The following USH2A variants were observed in gnomAD, a reference collection of about 807,000 sequenced individuals.
USH2A encodes the protein Usher syndrome 2A (autosomal recessive, mild).
A neutral mutation model predicts 538.9 loss-of-function variants in USH2A; 443 were observed. The ratio of observed to expected loss-of-function variants is 0.82; its 90% CI spans 0.76 to 0.89. USH2A has a LOEUF of 0.89. Among genes scored for constraint, USH2A ranks in the 40% least tolerant of loss-of-function variants. USH2A has a pLI of 0.00. For missense variants in USH2A, 6,633 were observed against 6,324.8 expected, an observed-to-expected ratio of 1.05 and a Z score of -1.65; for synonymous variants, 2,413 against 2,273.5, an observed-to-expected ratio of 1.06 and a Z score of -1.75.
intron 23 of USH2A, 80 bp downstream of exon 23, chr1:216,088,933 T>A (rs1346774482): frequency 1.9e-6 from 3 of 1,580,546 alleles, no homozygotes; most frequent in Non-Finnish European, 2.6e-6. Flanking sequence ...GAAATAAGAA[T>A]GTAGGAATAT....
At chr1:215,943,606 A>T (rs1188471751) in intron 37 of USH2A, among the ~76,000 whole-genome samples, 1 of 152,156 alleles carries the variant, frequency 6.6e-6, no homozygotes, top group Non-Finnish European at 1.5e-5. Flanking sequence ...TCATCTGGGG[A>T]CTACAAAGCT....
intron 64 of USH2A, among the ~76,000 whole-genome samples, chr1:215,653,124 T>C (rs931307393): frequency 6.6e-6 from 1 of 152,216 alleles, no homozygotes; most frequent in African/African-American, 2.4e-5. Flanking sequence ...GAATCATAAA[T>C]ACTATTAAGG....
chr1:215,935,345 A>C (rs889766741), intron 37 of USH2A, among the ~76,000 whole-genome samples: 1 of 152,006 alleles, frequency 6.6e-6, no homozygotes, highest in Non-Finnish European at 1.5e-5. Context: ...ATTTCTTTCT[A>C]TCTAATGCCC....
At chr1:215,695,638 C>A (rs1420537706) in intron 61 of USH2A, among the ~76,000 whole-genome samples, 2 of 152,162 alleles carry the variant, frequency 1.3e-5, no homozygotes, top group African/African-American at 4.8e-5. Flanking sequence ...AAGTATAGAA[C>A]CCAAGCCTGT....
chr1:216,243,702 G>C (rs1198085396), intron 13 of USH2A, among the ~76,000 whole-genome samples: 1 of 152,198 alleles, frequency 6.6e-6, no homozygotes, highest in Non-Finnish European at 1.5e-5. Flanking sequence ...CCTTTAGAGA[G>C]TCAGTAAGCT....
At chr1:215,944,650 C>T (rs1319401239) in intron 37 of USH2A, among the ~76,000 whole-genome samples, 1 of 152,046 alleles carries the variant, frequency 6.6e-6, no homozygotes. Flanking sequence ...AGTGGAAATC[C>T]AAGTGCCTGG....
At chr1:216,097,258 T>A in intron 21 of USH2A, 45 bp from the exon 22 acceptor site, 1 of 1,613,520 alleles carries the variant, frequency 6.2e-7, no homozygotes, top group Non-Finnish European at 8.5e-7. Flanking sequence ...GGGGTTTTGT[T>A]GATTCTTTCT....
intron 11 of USH2A, 127 bp from the exon 12 acceptor site, chr1:216,251,225 A>G: frequency 1.1e-6 from 1 of 933,806 alleles, no homozygotes; most frequent in Admixed American, 2.0e-5. Flanking sequence ...AGGTAATAAG[A>G]TATTTTTCCT....
At chr1:215,979,925 T>G (rs1465671497) in intron 35 of USH2A, among the ~76,000 whole-genome samples, 1 of 152,190 alleles carries the variant, frequency 6.6e-6, no homozygotes, top group Non-Finnish European at 1.5e-5. Context: ...TGTCTTGTGA[T>G]GGAATTGTTC....
Position 215,639,148 on chromosome 1 carries a change from T to G in USH2A, c.15052+7A>C. On this transcript the variant is annotated splice_region_variant and intron_variant, in intron 69 of 71. Transcript: ENST00000307340. ...GTGCTACGCCAAGTATAATATGAGTTGTTTACCAAGTCCAGTAGAGGTATC... is the reference window on the plus strand; with the variant it reads ...GTGCTACGCCAAGTATAATATGAGTGGTTTACCAAGTCCAGTAGAGGTATC... 6.2e-7 allele frequency: 1 copy of G among 1,614,054 alleles called. No individual in the cohort carries two copies. Among genetic ancestry groups the G allele is most frequent in the South Asian group, 1.1e-5 (1 of 91,084 alleles).
chr1:216,258,347 G>A (rs555234043), intron 11 of USH2A, among the ~76,000 whole-genome samples: 16 of 152,184 alleles, frequency 1.1e-4, no homozygotes, highest in Non-Finnish European at 1.8e-4. Context: ...CGCCAGTTCA[G>A]CTAGTGGAAA....
chr1:215,981,985 T>A (rs1477249644), intron 35 of USH2A, among the ~76,000 whole-genome samples: 1 of 152,240 alleles, frequency 6.6e-6, no homozygotes, highest in East Asian at 1.9e-4. Flanking sequence ...ATCAATTTTG[T>A]GCATATACAT....
chr1:216,142,052 T>C (rs141159793), intron 21 of USH2A, among the ~76,000 whole-genome samples: 45 of 152,156 alleles, frequency 3.0e-4, no homozygotes, highest in African/African-American at 1.1e-3. Context: ...CCAAGCAAAG[T>C]TTATGCTTTG....
At chr1:215,799,211 C>T (rs1662241845) in intron 49 of USH2A, 86 bp from the exon 50 acceptor site, 7 of 1,368,492 alleles carry the variant, frequency 5.1e-6, no homozygotes, top group Middle Eastern at 2.3e-4. Context: ...AATCATCTTG[C>T]AGATCCCAAC....
intron 61 of USH2A, among the ~76,000 whole-genome samples, chr1:215,704,342 T>A (rs534658051): frequency 2.6e-5 from 4 of 152,322 alleles, no homozygotes; most frequent in African/African-American, 9.6e-5. Context: ...CCCATGGCTG[T>A]TCACTTAGTT....
intron 67 of USH2A, 101 bp downstream of exon 67, chr1:215,647,421 C>T (rs1388186662): frequency 7.1e-7 from 1 of 1,413,264 alleles, no homozygotes; most frequent in African/African-American, 1.4e-5. Context: ...ATTGAGCCCA[C>T]TCAATCTGTT....
At chr1:215,748,066 T>C (rs1571646546) in intron 58 of USH2A, among the ~76,000 whole-genome samples, 3 of 152,148 alleles carry the variant, frequency 2.0e-5, no homozygotes, top group African/African-American at 7.2e-5. Flanking sequence ...TAATTTTTTG[T>C]ATTTTTAGTA....
Position 216,217,447 on chromosome 1 carries a change from C to T in USH2A, c.3097G>A (p.Asp1033Asn). Residue 1033 changes from aspartate to asparagine, a missense_variant, in exon 15 of 72, where the codon GAT becomes AAT. Coordinates refer to ENST00000307340, the MANE Select transcript of USH2A (RefSeq NM_206933.4). The part of the protein sequence containing the change: ...CKQFVTGSKC[D>N]ACVPSASHLD... ...TGGCTTGCACTGGGAACACAAGCAT[C>T]ACACTTTGAGCCAGTGACAAATTGT... 6.2e-7 allele frequency: 1 copy of T among 1,613,294 alleles called. No homozygotes were observed. The highest frequency in any genetic ancestry group is 8.5e-7 in the Non-Finnish European group (1 of 1,179,504).
intron 46 of USH2A, among the ~76,000 whole-genome samples, chr1:215,842,186 T>C (rs963198971): frequency 3.3e-5 from 5 of 152,014 alleles, no homozygotes; most frequent in Non-Finnish European, 5.9e-5. Context: ...AAGAATAACC[T>C]GGTGTGGTGG....
Sources: gnomAD v4.1 joint callset for allele counts (sites outside exome capture counted in the v4.1 genomes callset) on GRCh38, gnomAD v4.1.1 for gene constraint, MANE v1.5 for transcripts, NCBI Gene and HGNC (gene_info 2026-07-23, HGNC 2026-07-21) for gene names.